Variants in XKR4 observed in about 807,000 individuals in gnomAD.
XKR4 encodes the protein XK-related protein 4.
XKR4 carries 12 observed loss-of-function variants against 53.9 expected under a neutral mutation model. The ratio of observed to expected loss-of-function variants is 0.22; its 90% CI spans 0.14 to 0.36. The LOEUF (loss-of-function observed/expected upper bound fraction) is 0.36, where lower values mean the gene tolerates loss of function less well. Among genes scored for constraint, XKR4 ranks in the 10% least tolerant of loss-of-function variants. The probability of loss-of-function intolerance (pLI) is 1.00; values close to 1 mark genes in which losing one functional copy is unlikely to be tolerated. For missense variants in XKR4, 799 were observed against 859.5 expected (o/e 0.93, Z 0.88); for synonymous variants, 354 against 362.4 (o/e 0.98, Z 0.26).
chr8:55,103,180 G>A lies in XKR4; in HGVS notation c.692G>A (p.Ser231Asn). Residue 231 changes from serine to asparagine, a missense_variant, in exon 1 of 3, where the codon AGC becomes AAC. Coordinates refer to ENST00000327381, the MANE Select transcript of XKR4 (RefSeq NM_052898.2). ...KSNIAAANSG[S>N]NSSGATRASG... ...AACATCGCCGCGGCCAACAGCGGCA[G>A]CAACAGCAGCGGGGCTACCCGGGCC... is the stretch of plus-strand genomic sequence containing the variant. The A allele has an allele frequency of 6.2e-7, 1 of 1,614,074 alleles. No homozygotes were observed. The highest frequency in any genetic ancestry group is 8.5e-7 in the Non-Finnish European group (1 of 1,180,042).
intron 1 of XKR4, among the ~76,000 whole-genome samples, chr8:55,119,871 C>T (rs527878894): frequency 6.6e-6 from 1 of 152,140 alleles, no homozygotes; most frequent in South Asian, 2.1e-4. Flanking sequence ...AAGAACTCTA[C>T]TTAATGAATT....
intron 2 of XKR4, among the ~76,000 whole-genome samples, chr8:55,425,082 C>T (rs1181939121): frequency 1.3e-5 from 2 of 152,188 alleles, no homozygotes; most frequent in African/African-American, 4.8e-5. Flanking sequence ...ACTCAGTTTG[C>T]CCCAGTCCTC....
chr8:55,438,033 A>T (rs1340144465), intron 2 of XKR4, among the ~76,000 whole-genome samples: 4 of 152,120 alleles, frequency 2.6e-5, no homozygotes, highest in African/African-American at 7.2e-5. Context: ...TTAAAACTGA[A>T]AAGGTTCTGG....
intron 1 of XKR4, among the ~76,000 whole-genome samples, chr8:55,227,679 C>T (rs1817974350): frequency 6.6e-6 from 1 of 152,216 alleles, no homozygotes; most frequent in African/African-American, 2.4e-5. Context: ...GGTGACACTT[C>T]TGCAGAGACA....
chr8:55,233,613 G>C (rs1026239288), intron 1 of XKR4, among the ~76,000 whole-genome samples: 2 of 152,254 alleles, frequency 1.3e-5, no homozygotes, highest in African/African-American at 2.4e-5. Context: ...AGGTGGACCT[G>C]ATTGTTCAGT....
rs140972461 is a variant in XKR4 at position 55,537,932 on chromosome 8, C to T, written c.*13705C>T. The T allele has an allele frequency of 6.6e-6, 1 of 152,276 alleles. No homozygotes were observed. Among genetic ancestry groups the T allele is most frequent in the East Asian group, 1.9e-4 (1 of 5,186 alleles). 9.4% of individuals were successfully genotyped at this position (152,276 alleles called of 1,614,324 possible). On this transcript the variant is annotated 3_prime_UTR_variant, in exon 3 of 3. Coordinates refer to ENST00000327381, the MANE Select transcript of XKR4 (RefSeq NM_052898.2). ...ACAGGATGTTTAGTTGAATCAGCAA[C>T]AAAGACGTGACAACCTATTGTCCTC...
Position 55,532,853 on chromosome 8 carries a change from A to G in XKR4, c.*8626A>G, listed in dbSNP as rs899666245. 6.8e-6 allele frequency: 1 copy of G among 147,834 alleles called. No homozygotes were observed. Among genetic ancestry groups the G allele is most frequent in the Non-Finnish European group, 1.5e-5 (1 of 66,968 alleles). 9.2% of individuals were successfully genotyped at this position (147,834 alleles called of 1,614,324 possible). A position where few individuals can be genotyped will look rare whatever the true frequency, so the allele number is the denominator to read the frequency against. On this transcript the variant is annotated 3_prime_UTR_variant, in exon 3 of 3. Transcript: ENST00000327381. ...AGAAAATATAAAGTTTTATGTTTTT[A>G]TTATATTTCCATCTACCAAATTGTT...
rs200186821 is a variant in XKR4 at position 55,173,305 on chromosome 8, TA to T, written c.806+70013del. On this transcript the variant is annotated intron_variant, in intron 1 of 2. Transcript: ENST00000327381. The stretch of plus-strand genomic sequence containing the variant: ...GCTCCCATCAACACTTTTTTTTTTT[TA>T]ATTATTGTTGGTATGACCTTATTCC... Among the ~76,000 whole-genome samples the T allele has an allele frequency of 3.6e-3, 554 of 152,154 alleles. 4 individuals carry two copies. The highest frequency in any genetic ancestry group is 0.013 in the African/African-American group (520 of 41,496).
intron 2 of XKR4, among the ~76,000 whole-genome samples, chr8:55,469,109 A>C (rs930674749): frequency 6.6e-6 from 1 of 152,060 alleles, no homozygotes; most frequent in Non-Finnish European, 1.5e-5. Context: ...ATATTTCTCA[A>C]CTGCAACATC....
intron 2 of XKR4, chr8:55,453,211 C>T (rs1367082866): frequency 2.6e-5 from 13 of 491,154 alleles, no homozygotes; most frequent in East Asian, 1.8e-4. Context: ...CCCTTGGCTC[C>T]GCTTCCAGGA....
At chr8:55,138,261 G>A (rs1816658295) in intron 1 of XKR4, among the ~76,000 whole-genome samples, 1 of 152,106 alleles carries the variant, frequency 6.6e-6, no homozygotes, top group Non-Finnish European at 1.5e-5. Context: ...TAATAGGTGA[G>A]GGAGAACTTG....
chr8:55,122,178 T>C (rs1353629302), intron 1 of XKR4, among the ~76,000 whole-genome samples: 1 of 152,224 alleles, frequency 6.6e-6, no homozygotes, highest in Non-Finnish European at 1.5e-5. Flanking sequence ...TTAATAATTT[T>C]TGGCCTAAAT....
At chr8:55,219,095 T>C (rs1275981280) in intron 1 of XKR4, among the ~76,000 whole-genome samples, 1 of 151,964 alleles carries the variant, frequency 6.6e-6, no homozygotes, top group Non-Finnish European at 1.5e-5. Context: ...ATGAATCCCT[T>C]GTTAGAGTTG....
chr8:55,408,960 T>A (rs1804734183), intron 2 of XKR4, among the ~76,000 whole-genome samples: 1 of 144,640 alleles, frequency 6.9e-6, no homozygotes. Flanking sequence ...TGAGCCGAGA[T>A]CGTGCCACTG....
At chr8:55,158,156 C>G (rs1816934648) in intron 1 of XKR4, among the ~76,000 whole-genome samples, 1 of 152,190 alleles carries the variant, frequency 6.6e-6, no homozygotes. Context: ...TTCTCTGCAG[C>G]CTTGCCAGCA....
intron 1 of XKR4, among the ~76,000 whole-genome samples, chr8:55,309,513 C>T (rs1025475398): frequency 2.6e-5 from 4 of 152,004 alleles, no homozygotes; most frequent in East Asian, 3.8e-4. Context: ...GTGGTGTATA[C>T]GTGAACATAA....
At chr8:55,173,478 A>G (rs979732300) in intron 1 of XKR4, among the ~76,000 whole-genome samples, 1 of 152,228 alleles carries the variant, frequency 6.6e-6, no homozygotes, top group South Asian at 2.1e-4. Context: ...GCTTTAGAAC[A>G]CATGATACTG....
chr8:55,176,645 G>T (rs936712358), intron 1 of XKR4, among the ~76,000 whole-genome samples: 1 of 152,118 alleles, frequency 6.6e-6, no homozygotes, highest in Non-Finnish European at 1.5e-5. Context: ...TGTGGACAGG[G>T]TTCTGACTTC....
rs1450555788 is a variant in XKR4, at chr8:55,541,981, A to G, written c.*17754A>G. The G allele has an allele frequency of 1.3e-5, 2 of 152,184 alleles. No individual in the cohort carries two copies. The highest frequency in any genetic ancestry group is 4.8e-5 in the African/African-American group (2 of 41,448). The allele number at this position is 152,184 out of a possible 1,614,324, so 9.4% of individuals were successfully genotyped here. On this transcript the variant is annotated 3_prime_UTR_variant, in exon 3 of 3. Transcript: ENST00000327381. ...AATGAAGTGGAAAGTAGTACTTCATAATGAACAAATTTCCTTGGTTACATG... is the reference window on the plus strand; with the variant it reads ...AATGAAGTGGAAAGTAGTACTTCATGATGAACAAATTTCCTTGGTTACATG...
Sources: gnomAD v4.1 joint callset for allele counts (sites outside exome capture counted in the v4.1 genomes callset) on GRCh38, gnomAD v4.1.1 for gene constraint, MANE v1.5 for transcripts, NCBI Gene and HGNC (gene_info 2026-07-23, HGNC 2026-07-21) for gene names.